PLEKHA2: variants seen among roughly 807,000 people sequenced by gnomAD.
The protein encoded by PLEKHA2 is pleckstrin homology domain containing A2, also known as pleckstrin homology domain-containing family A member 2.
A neutral mutation model predicts 53.2 loss-of-function variants in PLEKHA2; 28 were observed. That is an observed-to-expected ratio of 0.53 (90% CI 0.39 to 0.72). The LOEUF is 0.72. Ranked by LOEUF, PLEKHA2 falls within the 30% of genes least tolerant of loss-of-function variation. The pLI is 0.00. For synonymous variants in PLEKHA2, 193 were observed against 196.4 expected (o/e 0.98, Z 0.14); for missense variants, 426 against 537.9 (o/e 0.79, Z 2.06).
chr8:38,902,934 C>T (rs1236528548), intron 1 of PLEKHA2, among the ~76,000 whole-genome samples: 1 of 152,200 alleles, frequency 6.6e-6, no homozygotes, highest in Admixed American at 6.5e-5. Context: ...GACATTAGCC[C>T]TCTTCACCAT....
At chr8:38,911,489 G>A (rs1393876304) in intron 1 of PLEKHA2, among the ~76,000 whole-genome samples, 3 of 152,014 alleles carry the variant, frequency 2.0e-5, no homozygotes, top group Non-Finnish European at 2.9e-5. Flanking sequence ...CACCTGCTTC[G>A]GCCTCCCAAA....
rs1313694637 is a variant in PLEKHA2, at chr8:38,943,840, A to G, written c.247+3A>G. 1.3e-6 allele frequency: 2 copies of G among 1,581,554 alleles called. No individual in the cohort carries two copies. Among genetic ancestry groups the G allele is most frequent in the Non-Finnish European group, 1.7e-6 (2 of 1,163,286 alleles). On this transcript the variant is annotated splice_donor_region_variant and intron_variant, in intron 4 of 11. Coordinates refer to ENST00000617275, the MANE Select transcript of PLEKHA2 (RefSeq NM_021623.2). ...ACCAAAAACTCCATTTTGCTTTGGT[A>G]AGTACTGAGCCAGGGGAGGGACTCA...
chr8:38,952,753 G>C lies in PLEKHA2; in HGVS notation c.702+49G>C. ...TCTGAGAGGTCATGGAAACTAAGAG[G>C]TGCATAGGTGCACACCCACAGGAGA... On this transcript the variant is annotated intron_variant, in intron 8 of 11. Coordinates refer to ENST00000617275, the MANE Select transcript of PLEKHA2 (RefSeq NM_021623.2). 1.3e-6 allele frequency: 2 copies of C among 1,550,824 alleles called. 1 individual carries two copies.
intron 1 of PLEKHA2, among the ~76,000 whole-genome samples, chr8:38,914,154 T>C (rs1833996667): frequency 6.6e-6 from 1 of 152,252 alleles, no homozygotes; most frequent in Admixed American, 6.5e-5. Context: ...CCTGCTTTGC[T>C]CTTTGTCCCC....
chr8:38,937,759 G>T (rs903871572), intron 3 of PLEKHA2, among the ~76,000 whole-genome samples: 5 of 152,172 alleles, frequency 3.3e-5, no homozygotes, highest in African/African-American at 4.8e-5. Flanking sequence ...GAAAGCAGGG[G>T]TTTTTCCCAG....
intron 1 of PLEKHA2, among the ~76,000 whole-genome samples, chr8:38,915,538 G>A (rs1399560159): frequency 1.3e-5 from 2 of 152,208 alleles, no homozygotes; most frequent in Admixed American, 6.5e-5. Context: ...AGTCATAGTG[G>A]ATTAGGGCCC....
chr8:38,918,442 C>T (rs987584908), intron 2 of PLEKHA2, among the ~76,000 whole-genome samples: 1 of 113,510 alleles, frequency 8.8e-6, no homozygotes, highest in Non-Finnish European at 1.9e-5. Flanking sequence ...CATACACACA[C>T]ACAACCCATA....
intron 7 of PLEKHA2, 143 bp downstream of exon 7, chr8:38,952,455 G>C: frequency 7.2e-7 from 1 of 1,390,168 alleles, no homozygotes; most frequent in Non-Finnish European, 9.7e-7. Flanking sequence ...GAGATTTTGG[G>C]ACTGACCTTT....
chr8:38,961,107 C>G (rs1471529476), intron 10 of PLEKHA2, among the ~76,000 whole-genome samples: 2 of 152,054 alleles, frequency 1.3e-5, no homozygotes, highest in Non-Finnish European at 2.9e-5. Flanking sequence ...TGGAGGTAGC[C>G]AGAATTTTTT....
intron 10 of PLEKHA2, among the ~76,000 whole-genome samples, chr8:38,964,266 C>A (rs1195819304): frequency 6.6e-6 from 1 of 152,132 alleles, no homozygotes; most frequent in Non-Finnish European, 1.5e-5. Context: ...GATCCCCAAC[C>A]CCTAAGCTGT....
At position 38,944,832 on chromosome 8, in the gene PLEKHA2, T is replaced by C. The variant is rs146096672; in HGVS notation, c.247+995T>C. ...CCATCATCTCGAACATTTTTTTCTT[T>C]TAATAATTGTCCATATGCATTTCAG... On this transcript the variant is annotated intron_variant, in intron 4 of 11. Coordinates refer to ENST00000617275, the MANE Select transcript of PLEKHA2 (RefSeq NM_021623.2). Among the ~76,000 whole-genome samples, 77 of 152,340 alleles carry C rather than the reference T, an allele frequency of 5.1e-4. 1 individual carries two copies. Among genetic ancestry groups the C allele is most frequent in the Non-Finnish European group, 1.0e-3 (70 of 68,040 alleles).
chr8:38,919,774 C>T (rs991269283), intron 2 of PLEKHA2, among the ~76,000 whole-genome samples: 5 of 152,156 alleles, frequency 3.3e-5, no homozygotes, highest in African/African-American at 1.2e-4. Flanking sequence ...CTAAGTAGAA[C>T]TGAGCCCCAT....
chr8:38,921,898 C>T (rs975221840), intron 2 of PLEKHA2, among the ~76,000 whole-genome samples: 8 of 152,206 alleles, frequency 5.3e-5, no homozygotes, highest in South Asian at 4.1e-4. Context: ...GCCAAACGGC[C>T]ACTCCAGATT....
intron 10 of PLEKHA2, among the ~76,000 whole-genome samples, chr8:38,966,588 G>A (rs1332470264): frequency 6.6e-6 from 1 of 152,174 alleles, no homozygotes; most frequent in Non-Finnish European, 1.5e-5. Context: ...GGCACTGACA[G>A]GCTCCACCGG....
At chr8:38,959,450 A>G (rs1835003530) in intron 10 of PLEKHA2, among the ~76,000 whole-genome samples, 1 of 152,194 alleles carries the variant, frequency 6.6e-6, no homozygotes, top group African/African-American at 2.4e-5. Context: ...AAAGGGCTTG[A>G]TCTGATCTGC....
At chr8:38,949,438 G>A (rs1417918448) in intron 5 of PLEKHA2, among the ~76,000 whole-genome samples, 1 of 152,184 alleles carries the variant, frequency 6.6e-6, no homozygotes, top group African/African-American at 2.4e-5. Flanking sequence ...CTGCTGCATA[G>A]CTGAAAATCT....
intron 3 of PLEKHA2, among the ~76,000 whole-genome samples, chr8:38,942,293 C>T (rs1588259710): frequency 6.6e-6 from 1 of 152,022 alleles, no homozygotes; most frequent in Non-Finnish European, 1.5e-5. Context: ...AGTCTAGCTA[C>T]TCAGGAGGGT....
chr8:38,917,533 G>A lies in PLEKHA2; in HGVS notation c.-23-374G>A, dbSNP rs190657553. Among the ~76,000 whole-genome samples, 327 of 152,258 alleles carry A rather than the reference G, an allele frequency of 2.1e-3. 8 individuals are homozygous for A. The highest frequency in any genetic ancestry group is 0.021 in the Admixed American group (317 of 15,282). ...CAGCCCAAGCCTTATTATTAACCCC[G>A]TTTTACAGATGCAGAAGCTGAGGCA... On this transcript the variant is annotated intron_variant, in intron 1 of 11. Transcript: ENST00000617275.
At chr8:38,925,559 C>A (rs1245613818) in intron 2 of PLEKHA2, among the ~76,000 whole-genome samples, 1 of 152,324 alleles carries the variant, frequency 6.6e-6, no homozygotes, top group Non-Finnish European at 1.5e-5. Flanking sequence ...CGATATGACT[C>A]ATGGATCATC....
Sources: allele counts gnomAD v4.1 joint callset (sites outside exome capture counted in the v4.1 genomes callset), GRCh38; gene constraint gnomAD v4.1.1; transcripts MANE v1.5; gene names NCBI Gene and HGNC (gene_info 2026-07-23, HGNC 2026-07-21).